FRMPD4: variants seen among roughly 807,000 people sequenced by gnomAD.
FRMPD4 encodes the protein FERM and PDZ domain containing 4.
Under a neutral mutation model 94.1 loss-of-function variants are expected in FRMPD4, and 22 were observed. The ratio of observed to expected loss-of-function variants is 0.23; its 90% CI spans 0.17 to 0.33. FRMPD4 has a LOEUF of 0.33. Ranked by LOEUF, FRMPD4 falls within the 10% of genes least tolerant of loss-of-function variation. The probability of loss-of-function intolerance (pLI) is 1.00; values close to 1 mark genes in which losing one functional copy is unlikely to be tolerated. For missense variants in FRMPD4, 1,111 were observed against 1,339.9 expected (o/e 0.83, Z 2.67); for synonymous variants, 631 against 548.6 (o/e 1.15, Z -2.10).
intron 2 of FRMPD4, among the ~76,000 whole-genome samples, chrX:12,545,208 G>A (rs1473799752): frequency 2.7e-5 from 3 of 109,617 alleles, no homozygotes; most frequent in Admixed American, 9.8e-5. Flanking sequence ...GGACAGCTTC[G>A]AATGTGGCCC....
intron 2 of FRMPD4, among the ~76,000 whole-genome samples, chrX:12,536,019 G>A (rs987975424): frequency 9.3e-6 from 1 of 107,790 alleles, no homozygotes. Context: ...GGTCCACAAT[G>A]TATGATTTCT....
In FRMPD4 at chrX:12,666,683, G is replaced by A. The variant is rs904029400; in HGVS notation, c.423-8180G>A. ...ACAACCTGCTCCTGAATGACTACTG[G>A]GAAAATAACAAAATTAAGGCAGAAA... is the stretch of plus-strand genomic sequence containing the variant. On this transcript the variant is annotated intron_variant, in intron 4 of 16. Transcript: ENST00000675598. Among the ~76,000 whole-genome samples, 19 of 111,433 alleles carry A rather than the reference G, an allele frequency of 1.7e-4. 1 individual carries two copies. In the Admixed American group the frequency reaches 1.8e-3, roughly 11 times the overall value.
At chrX:12,262,656 C>G (rs2054209614) in intron 1 of FRMPD4, among the ~76,000 whole-genome samples, 1 of 111,943 alleles carries the variant, frequency 8.9e-6, no homozygotes, top group South Asian at 3.8e-4. Context: ...AATTATCACT[C>G]TCAATATTAT....
intron 1 of FRMPD4, among the ~76,000 whole-genome samples, chrX:12,145,974 C>T (rs767030846): frequency 7.7e-4 from 86 of 112,023 alleles, no homozygotes; most frequent in Non-Finnish European, 1.3e-3. Flanking sequence ...TTGGATCCTC[C>T]CTGTCCCCTC....
intron 1 of FRMPD4, among the ~76,000 whole-genome samples, chrX:12,154,311 C>T (rs1051086089): frequency 8.9e-6 from 1 of 112,946 alleles, no homozygotes; most frequent in Non-Finnish European, 1.9e-5. Context: ...GCCATGCTCA[C>T]TTTCTTTCCC....
At chrX:12,125,940 A>C (rs2055496224) in intron 3 of FRMPD4, among the ~76,000 whole-genome samples, 1 of 111,332 alleles carries the variant, frequency 9.0e-6, no homozygotes, top group Non-Finnish European at 1.9e-5. Context: ...GTTTTCTCTC[A>C]TCTTACCTTC....
intron 1 of FRMPD4, among the ~76,000 whole-genome samples, chrX:12,399,382 T>A (rs1030821566): frequency 4.5e-5 from 5 of 111,343 alleles, no homozygotes; most frequent in Non-Finnish European, 9.4e-5. Context: ...GAGATAGAGA[T>A]GTAGATATAG....
At chrX:11,926,591 G>T (rs564886393) in intron 3 of FRMPD4, among the ~76,000 whole-genome samples, 1 of 112,025 alleles carries the variant, frequency 8.9e-6, no homozygotes, top group Non-Finnish European at 1.9e-5. Context: ...TGGGATACAA[G>T]GATGGTTCAA....
rs781439353 is a variant in FRMPD4 at position 12,299,289 on chromosome X, G to C, written c.41+160277G>C. On this transcript the variant is annotated intron_variant, in intron 1 of 16. Transcript: ENST00000675598. Reference sequence around the variant, plus strand: ...AAGAGGAAGAGAAGTAGGAGGAGGAGGTAAAGGAGGAGGAGGAGGAGGAGG... The same window carrying C: ...AAGAGGAAGAGAAGTAGGAGGAGGACGTAAAGGAGGAGGAGGAGGAGGAGG... Among the ~76,000 whole-genome samples, 28 of 108,356 alleles carry C rather than the reference G, an allele frequency of 2.6e-4. No homozygotes were observed. The East Asian group carries it at 7.5e-3, about 29-fold the overall frequency. The allele number at this position is 108,356 out of a possible 115,157, so 94.1% of individuals were successfully genotyped here. A position where few individuals can be genotyped will look rare whatever the true frequency, so the allele number is the denominator to read the frequency against.
chrX:12,140,324 G>A lies in FRMPD4; in HGVS notation c.41+1312G>A, dbSNP rs371470344. On this transcript the variant is annotated intron_variant, in intron 1 of 16. Transcript: ENST00000675598. The stretch of plus-strand genomic sequence containing the variant: ...GTGTCTTAGAGCAGCTCAGGAAGAG[G>A]TGTTGTCCTGCAGATCAGAAGACTG... Among the ~76,000 whole-genome samples the A allele has an allele frequency of 2.7e-5, 3 of 112,470 alleles. No individual in the cohort carries two copies. The East Asian group carries it at 8.4e-4, about 31-fold the overall frequency.
intron 2 of FRMPD4, among the ~76,000 whole-genome samples, chrX:12,604,377 TCCTA>T (rs1039415761): frequency 1.8e-5 from 2 of 112,199 alleles, no homozygotes; most frequent in African/African-American, 6.5e-5. Context: ...CTGGATTTTC[TCCTA>T]CCTTCTTTTA....
intron 4 of FRMPD4, among the ~76,000 whole-genome samples, chrX:12,641,666 T>A (rs896198807): frequency 8.9e-6 from 1 of 112,611 alleles, no homozygotes; most frequent in Non-Finnish European, 1.9e-5. Flanking sequence ...TCCAGTGTTT[T>A]TTTCTAGCCC....
At chrX:12,363,023 C>T (rs113643911) in intron 1 of FRMPD4, among the ~76,000 whole-genome samples, 2,373 of 112,166 alleles carry the variant, frequency 0.021, 28 homozygotes, top group Non-Finnish European at 0.033. Context: ...AGTGTCTGTT[C>T]GTATCCCTCG....
At chrX:12,399,285 C>CGATGTA (rs1318141683) in intron 1 of FRMPD4, among the ~76,000 whole-genome samples, 2 of 111,139 alleles carry the variant, frequency 1.8e-5, no homozygotes, top group South Asian at 3.8e-4. Flanking sequence ...CACAGCAGTT[C>CGATGTA]GATGTAGATG....
At chrX:12,664,769 G>C (rs1476083137) in intron 4 of FRMPD4, among the ~76,000 whole-genome samples, 1 of 111,947 alleles carries the variant, frequency 8.9e-6, no homozygotes, top group East Asian at 2.8e-4. Context: ...AATAGTTTCA[G>C]AAGGAATGGT....
chrX:12,578,705 G>T (rs1321559279), intron 2 of FRMPD4, among the ~76,000 whole-genome samples: 1 of 111,713 alleles, frequency 9.0e-6, no homozygotes, highest in Non-Finnish European at 1.9e-5. Flanking sequence ...CAAATATGCT[G>T]CATATAAGTT....
rs759525395 is a variant in FRMPD4 at position 12,106,802 on chromosome X, T to C, written c.95+228784T>C. Among the ~76,000 whole-genome samples, 4 of 111,291 alleles carry C rather than the reference T, an allele frequency of 3.6e-5. No homozygotes were observed. The East Asian group carries it at 1.1e-3, about 32-fold the overall frequency. Reference sequence around the variant, plus strand: ...ACACCCACGGAGCCTCACTCATTGCTAGTACAGCAGTCTGAGATTGAACTG... The same window carrying C: ...ACACCCACGGAGCCTCACTCATTGCCAGTACAGCAGTCTGAGATTGAACTG... On this transcript the variant is annotated intron_variant, in intron 3 of 18. Transcript: ENST00000640291.
At chrX:12,164,991 C>G (rs752429646) in intron 1 of FRMPD4, among the ~76,000 whole-genome samples, 1 of 111,477 alleles carries the variant, frequency 9.0e-6, no homozygotes, top group African/African-American at 3.3e-5. Context: ...TTCTCCCATT[C>G]TGTAGGTTGT....
At chrX:12,480,334 A>AAAAAAAAAAAAAAAAAAAAAAC in intron 1 of FRMPD4, among the ~76,000 whole-genome samples, 1 of 6,914 alleles carries the variant, frequency 1.4e-4, no homozygotes, top group Admixed American at 1.1e-3. Context: ...AAAAGAAATG[A>AAAAAAAAAAAAAAAAAAAAAAC]AAAAAAAAAA....
Sources: allele counts gnomAD v4.1 joint callset (sites outside exome capture counted in the v4.1 genomes callset), GRCh38; gene constraint gnomAD v4.1.1; transcripts MANE v1.5; gene names NCBI Gene and HGNC (gene_info 2026-07-23, HGNC 2026-07-21).